The following ACAD10 variants were observed in gnomAD, a reference collection of about 807,000 sequenced individuals.
The protein encoded by ACAD10 is acyl-CoA dehydrogenase family member 10.
A neutral mutation model predicts 116.8 loss-of-function variants in ACAD10; 112 were observed. The ratio of observed to expected loss-of-function variants is 0.96; its 90% CI spans 0.82 to 1.12. ACAD10 has a LOEUF of 1.12. Among genes scored for constraint, ACAD10 ranks in the 50% most tolerant of loss-of-function variants. The probability of loss-of-function intolerance (pLI) is 0.00; values close to 1 mark genes in which losing one functional copy is unlikely to be tolerated. For missense variants in ACAD10, 1,259 were observed against 1,350.2 expected, an observed-to-expected ratio of 0.93 and a Z score of 1.06; for synonymous variants, 486 against 510.6, an observed-to-expected ratio of 0.95 and a Z score of 0.65.
At chr12:111,709,849 C>G in intron 5 of ACAD10, 165 bp downstream of exon 5, 1 of 783,492 alleles carries the variant, frequency 1.3e-6, no homozygotes. Flanking sequence ...TGACTAGCTG[C>G]TTGTATTTTC....
At chr12:111,722,217 A>G (rs1889035030) in intron 8 of ACAD10, among the ~76,000 whole-genome samples, 1 of 151,904 alleles carries the variant, frequency 6.6e-6, no homozygotes. Context: ...GCCCCCTACT[A>G]TGCCCAGCTA....
At chr12:111,737,903 A>C (rs1683234354) in intron 12 of ACAD10, among the ~76,000 whole-genome samples, 1 of 151,690 alleles carries the variant, frequency 6.6e-6, no homozygotes, top group African/African-American at 2.4e-5. Context: ...CCCAGGCTGG[A>C]GTGCAGTGGT....
intron 5 of ACAD10, among the ~76,000 whole-genome samples, chr12:111,710,617 CCT>C (rs1188895006): frequency 6.6e-6 from 1 of 151,736 alleles, no homozygotes; most frequent in African/African-American, 2.4e-5. Flanking sequence ...GTGTCAGCCC[CCT>C]GAGTAGCTGG....
At chr12:111,721,764 T>C in intron 8 of ACAD10, 25 bp downstream of exon 8, 1 of 1,572,128 alleles carries the variant, frequency 6.4e-7, no homozygotes, top group Non-Finnish European at 8.7e-7. Context: ...TTTTTGCTAT[T>C]GCACTTTCAA....
Position 111,728,051 on chromosome 12 carries a change from G to A in ACAD10, c.1151G>A (p.Arg384Lys), listed in dbSNP as rs541455128. ...PSLPGLEPSH[R>K]RAIYTAMNTV... ...CTGCCAGGCTTGGAGCCCAGCCACA[G>A]ACGAGCCATATACACTGCCATGAAC... Residue 384 changes from arginine to lysine, a missense_variant, in exon 9 of 21, where the codon AGA (arginine) becomes AAA (lysine). By Grantham distance (26) the Arg-to-Lys change is conservative. Transcript: ENST00000313698. The A allele has an allele frequency of 3.0e-5, 48 of 1,614,174 alleles. No individual in the cohort carries two copies. The South Asian group carries it at 4.8e-4, about 16-fold the overall frequency.
At chr12:111,704,657 A>T (rs991729162) in intron 3 of ACAD10, among the ~76,000 whole-genome samples, 1 of 151,126 alleles carries the variant, frequency 6.6e-6, no homozygotes, top group African/African-American at 2.4e-5. Flanking sequence ...ATGTGATAAT[A>T]TAAGAGTTTT....
In ACAD10 at chr12:111,756,320, CTG is replaced by C; in HGVS notation, c.3040-9_3040-8del. The C allele has an allele frequency of 1.9e-6, 3 of 1,583,622 alleles. No individual in the cohort carries two copies. The highest frequency in any genetic ancestry group is 2.6e-6 in the Non-Finnish European group (3 of 1,168,104). On this transcript the variant is annotated splice_polypyrimidine_tract_variant and intron_variant, in intron 20 of 20. Transcript: ENST00000313698. ...TGACCCAGGGCCGCCTCCCTCCACT[CTG>C]TGTCTGCCAGGCCTTTGGAGCAGCA...
intron 12 of ACAD10, among the ~76,000 whole-genome samples, chr12:111,742,527 G>C (rs893643488): frequency 6.6e-6 from 1 of 152,022 alleles, no homozygotes; most frequent in African/African-American, 2.4e-5. Flanking sequence ...ACTCTGTAAG[G>C]AATAGTTTAA....
Position 111,736,894 on chromosome 12 carries a change from A to G in ACAD10, c.1604A>G (p.Tyr535Cys). 1.9e-6 allele frequency: 3 copies of G among 1,614,182 alleles called. No homozygotes were observed. Among genetic ancestry groups the G allele is most frequent in the South Asian group, 1.1e-5 (1 of 91,072 alleles). ...IPAAEEYFRM[Y>C]CLQMGLPPTE... ...GCTGCAGAGGAGTATTTCAGGATGT[A>G]CTGTCTCCAAATGGGGCTCCCTCCC... The change falls in exon 12 of 21, where the codon TAC (tyrosine) becomes TGC (cysteine). Residue 535 changes from tyrosine (Y) to cysteine (C), a missense_variant. By Grantham distance (194) the Tyr-to-Cys change is radical (BLOSUM62 -2). Coordinates refer to ENST00000313698, the MANE Select transcript of ACAD10 (RefSeq NM_025247.6).
chr12:111,706,040 T>G, intron 4 of ACAD10, 108 bp downstream of exon 4: 1 of 1,201,546 alleles, frequency 8.3e-7, no homozygotes, highest in East Asian at 2.4e-5. Context: ...GAGTTTTTCC[T>G]TCAGCCACTT....
At chr12:111,748,146 A>G (rs80201805) in intron 16 of ACAD10, among the ~76,000 whole-genome samples, 171 bp from the exon 17 acceptor site, 1,893 of 152,206 alleles carry the variant, frequency 0.012, 45 homozygotes, top group African/African-American at 0.044. Context: ...ACAAAACCCA[A>G]TTTGCTCTTA....
At chr12:111,722,073 G>A (rs1889028267) in intron 8 of ACAD10, 1 of 163,516 alleles carries the variant, frequency 6.1e-6, no homozygotes, top group Non-Finnish European at 1.3e-5. Flanking sequence ...GTCTCATTCT[G>A]TCACCCAGAC....
intron 5 of ACAD10, among the ~76,000 whole-genome samples, chr12:111,711,204 G>T (rs981121623): frequency 2.2e-4 from 33 of 151,958 alleles, no homozygotes; most frequent in African/African-American, 7.2e-4. Context: ...TAAATTTTTT[G>T]TTGTTGTTGT....
At position 111,756,632 on chromosome 12, in the gene ACAD10, A is replaced by G. The variant is rs758592140; in HGVS notation, c.*159A>G. On this transcript the variant is annotated 3_prime_UTR_variant, in exon 21 of 21. Coordinates refer to ENST00000313698, the MANE Select transcript of ACAD10 (RefSeq NM_025247.6). ...GTGGACTCAATCTTTCTGGTTCTCC[A>G]CAGAAGACGTCTCTGCAAGAAGCCT... 6 of 1,194,522 alleles carry G rather than the reference A, an allele frequency of 5.0e-6. No individual in the cohort carries two copies. The African/African-American group carries it at 7.6e-5, about 15-fold the overall frequency. The allele number at this position is 1,194,522 out of a possible 1,614,324, so 74.0% of individuals were successfully genotyped here.
At chr12:111,704,691 T>TC (rs1175688488) in intron 3 of ACAD10, among the ~76,000 whole-genome samples, 4 of 146,296 alleles carry the variant, frequency 2.7e-5, no homozygotes, top group Non-Finnish European at 4.5e-5. Flanking sequence ...TTTCTTTCTT[T>TC]TTTTTTTTTT....
At chr12:111,752,567 C>T (rs1289142282) in intron 18 of ACAD10, among the ~76,000 whole-genome samples, 1 of 152,004 alleles carries the variant, frequency 6.6e-6, no homozygotes, top group Non-Finnish European at 1.5e-5. Context: ...CGAGATCGCG[C>T]CACTGCACTC....
rs549549694 is a variant in ACAD10, at chr12:111,754,041, C to A, written c.2961+126C>A. 37 of 1,365,784 alleles carry A rather than the reference C, an allele frequency of 2.7e-5. No individual in the cohort carries two copies. The Admixed American group carries it at 2.9e-4, about 11-fold the overall frequency. The allele number at this position is 1,365,784 out of a possible 1,614,324, so 84.6% of individuals were successfully genotyped here. The stretch of plus-strand genomic sequence containing the variant: ...TCACCTCTACTTGGAGCTGTTTGGG[C>A]AGTTTTTCAAAAATTGGAAAGGCAC... On this transcript the variant is annotated intron_variant, in intron 19 of 20. Transcript: ENST00000313698.
chr12:111,691,751 T>A (rs1043985141), intron 1 of ACAD10, among the ~76,000 whole-genome samples: 1 of 150,772 alleles, frequency 6.6e-6, no homozygotes, highest in African/African-American at 2.4e-5. Flanking sequence ...CCCAACACCA[T>A]GCCCAGGTTA....
rs777143172 is a variant in ACAD10 at position 111,709,689 on chromosome 12, T to G, written c.690+5T>G. 5 of 1,602,978 alleles carry G rather than the reference T, an allele frequency of 3.1e-6. No homozygotes were observed. The South Asian group carries it at 5.6e-5, about 18-fold the overall frequency. On this transcript the variant is annotated splice_donor_5th_base_variant and intron_variant, in intron 5 of 20. Coordinates refer to ENST00000313698, the MANE Select transcript of ACAD10 (RefSeq NM_025247.6). ...CTTGGTATTCACACCATTAAGGTAA[T>G]AGTCACTAATTTTTGAACTCCCTCC...
Sources: gnomAD v4.1 joint callset for allele counts (sites outside exome capture counted in the v4.1 genomes callset) on GRCh38, gnomAD v4.1.1 for gene constraint, MANE v1.5 for transcripts, NCBI Gene and HGNC (gene_info 2026-07-23, HGNC 2026-07-21) for gene names.